HTR4: variants seen among roughly 807,000 people sequenced by gnomAD.
HTR4 encodes the protein 5-hydroxytryptamine receptor 4, also known as 5-hydroxytryptamine (serotonin) receptor 4, G protein-coupled.
HTR4 carries 16 observed loss-of-function variants against 36.8 expected under a neutral mutation model. The ratio of observed to expected loss-of-function variants is 0.43; its 90% confidence interval spans 0.29 to 0.66. The LOEUF (loss-of-function observed/expected upper bound fraction) is 0.66, where lower values mean the gene tolerates loss of function less well. HTR4 is among the 30% of genes least tolerant of loss of function. The pLI, the probability that HTR4 is intolerant of heterozygous loss-of-function variation, is 0.13. For synonymous variants in HTR4, 189 were observed against 185.1 expected, an observed-to-expected ratio of 1.02 and a Z score of -0.17; for missense variants, 438 against 490.9, an observed-to-expected ratio of 0.89 and a Z score of 1.02.
intron 2 of HTR4, among the ~76,000 whole-genome samples, chr5:148,631,645 CTTTTCTGTTTAAAAAATTTCTATCT>C (rs1485226545): frequency 6.6e-6 from 1 of 152,116 alleles, no homozygotes. Flanking sequence ...CCAAAATCAA[CTTTTCTGTTTAAAAAATTTCTATCT>C]TTTTCTGTTT....
intron 5 of HTR4, among the ~76,000 whole-genome samples, chr5:148,467,438 A>G (rs1192534737): frequency 6.6e-6 from 1 of 152,160 alleles, no homozygotes; most frequent in Non-Finnish European, 1.5e-5. Context: ...CACCATGTAG[A>G]TAATATAGAC....
At chr5:148,609,989 A>C (rs1014176953) in intron 2 of HTR4, among the ~76,000 whole-genome samples, 2 of 152,226 alleles carry the variant, frequency 1.3e-5, no homozygotes, top group African/African-American at 4.8e-5. Flanking sequence ...AAATTACACT[A>C]TCCCAGAAGT....
chr5:148,603,850 C>G (rs1182900055), intron 2 of HTR4, among the ~76,000 whole-genome samples: 1 of 151,840 alleles, frequency 6.6e-6, no homozygotes, highest in Non-Finnish European at 1.5e-5. Context: ...GACTAACAAA[C>G]CAAAGGGACA....
intron 2 of HTR4, among the ~76,000 whole-genome samples, chr5:148,598,894 A>T (rs937028544): frequency 6.6e-6 from 1 of 152,182 alleles, no homozygotes; most frequent in Non-Finnish European, 1.5e-5. Flanking sequence ...AAGAAAATAG[A>T]CGATAAGATG....
intron 5 of HTR4, among the ~76,000 whole-genome samples, chr5:148,455,638 G>A (rs60688159): frequency 0.024 from 3,622 of 152,200 alleles, 134 homozygotes; most frequent in African/African-American, 0.081. Flanking sequence ...ACAGTTGATC[G>A]TTGAACAGTG....
intron 6 of HTR4, among the ~76,000 whole-genome samples, chr5:148,483,906 T>C (rs181463854): frequency 2.0e-5 from 3 of 151,872 alleles, no homozygotes; most frequent in Admixed American, 2.0e-4. Flanking sequence ...CCTGAGGTTC[T>C]TTATTACATT....
chr5:148,559,135 T>A (rs1012016992), intron 2 of HTR4, among the ~76,000 whole-genome samples: 1 of 152,204 alleles, frequency 6.6e-6, no homozygotes, highest in Non-Finnish European at 1.5e-5. Flanking sequence ...GAGTTGGAGC[T>A]CACTGCTGCT....
intron 6 of HTR4, among the ~76,000 whole-genome samples, chr5:148,507,926 T>G (rs1174392224): frequency 6.6e-6 from 1 of 152,182 alleles, no homozygotes; most frequent in Non-Finnish European, 1.5e-5. Context: ...ATGGTTGAAT[T>G]CTTTCTATGA....
chr5:148,551,837 G>A (rs555894166), intron 2 of HTR4, among the ~76,000 whole-genome samples: 17 of 152,310 alleles, frequency 1.1e-4, no homozygotes, highest in African/African-American at 4.1e-4. Context: ...TGGGCTGCCT[G>A]TGCCCCGACA....
intron 2 of HTR4, among the ~76,000 whole-genome samples, 157 bp from the exon 3 acceptor site, chr5:148,550,419 G>T (rs181356559): frequency 6.7e-4 from 102 of 152,256 alleles, no homozygotes; most frequent in African/African-American, 2.4e-3. Flanking sequence ...AATCTGAACC[G>T]GTCGCTTGAC....
chr5:148,623,963 C>T (rs1252302271), intron 2 of HTR4, among the ~76,000 whole-genome samples: 2 of 152,174 alleles, frequency 1.3e-5, no homozygotes, highest in African/African-American at 4.8e-5. Flanking sequence ...AATCACAGAG[C>T]ACATGGCCTC....
chr5:148,534,847 C>T (rs1417269273), intron 4 of HTR4, among the ~76,000 whole-genome samples: 5 of 152,094 alleles, frequency 3.3e-5, no homozygotes, highest in Admixed American at 6.5e-5. Flanking sequence ...ACAACCACTA[C>T]TAAGGTCCCT....
chr5:148,545,345 G>A lies in HTR4; in HGVS notation c.353+3323C>T, dbSNP rs540065331. 3.9e-5 allele frequency among the ~76,000 whole-genome samples: 6 copies of A among 152,300 alleles called. No homozygotes were observed. The South Asian group carries it at 8.3e-4, about 21-fold the overall frequency. ...TGCTGACCACTCCATTTGTTCAATC[G>A]TGTTTGTCAAATACCTAAATAAGTA... On this transcript the variant is annotated intron_variant, in intron 4 of 6. Coordinates refer to ENST00000377888, the MANE Select transcript of HTR4 (RefSeq NM_000870.7).
intron 5 of HTR4, 149 bp downstream of exon 5, chr5:148,523,044 A>G (rs1420742267): frequency 5.7e-5 from 39 of 683,966 alleles, no homozygotes; most frequent in South Asian, 5.3e-4. Flanking sequence ...GTCAGTAAGC[A>G]TTCAAAAGTG....
intron 2 of HTR4, among the ~76,000 whole-genome samples, chr5:148,597,482 C>T (rs1206160158): frequency 6.6e-6 from 1 of 152,136 alleles, no homozygotes. Context: ...ACCAAAGTCC[C>T]TAATGCCTGT....
intron 4 of HTR4, among the ~76,000 whole-genome samples, chr5:148,539,560 G>A (rs1343911479): frequency 2.6e-5 from 4 of 152,180 alleles, no homozygotes; most frequent in African/African-American, 7.2e-5. Flanking sequence ...AATGGTCAAA[G>A]GACATGAACA....
At chr5:148,564,222 G>C (rs1219739932) in intron 2 of HTR4, among the ~76,000 whole-genome samples, 2 of 152,136 alleles carry the variant, frequency 1.3e-5, no homozygotes, top group African/African-American at 4.8e-5. Context: ...AGTGAGATGA[G>C]GCACGCTTGT....
intron 5 of HTR4, among the ~76,000 whole-genome samples, chr5:148,469,750 T>C (rs1477385598): frequency 6.6e-6 from 1 of 152,208 alleles, no homozygotes; most frequent in African/African-American, 2.4e-5. Context: ...TTGCCTGCCT[T>C]GTCAGGCTCC....
intron 6 of HTR4, among the ~76,000 whole-genome samples, chr5:148,495,539 A>T (rs938826779): frequency 3.9e-5 from 6 of 152,176 alleles, no homozygotes; most frequent in African/African-American, 9.7e-5. Context: ...GGCTCTGAGG[A>T]TACAACAGGC....
Sources: gnomAD v4.1 joint callset for allele counts (sites outside exome capture counted in the v4.1 genomes callset) on GRCh38, gnomAD v4.1.1 for gene constraint, MANE v1.5 for transcripts, NCBI Gene and HGNC (gene_info 2026-07-23, HGNC 2026-07-21) for gene names.